Variants in PRKN observed in about 807,000 individuals in gnomAD.
The protein encoded by PRKN is E3 ubiquitin-protein ligase parkin.
Under a neutral mutation model 59.5 loss-of-function variants are expected in PRKN, and 56 were observed. The ratio of observed to expected loss-of-function variants is 0.94; its 90% CI spans 0.76 to 1.18. The LOEUF is 1.18. Ranked by LOEUF, PRKN falls within the 50% of genes most tolerant of loss-of-function variation. PRKN has a pLI of 0.00. For missense variants in PRKN, 657 were observed against 596.4 expected (o/e 1.10, Z -1.06); for synonymous variants, 250 against 222.1 (o/e 1.13, Z -1.12).
chr6:162,456,551 A>G (rs1435286919), intron 1 of PRKN, among the ~76,000 whole-genome samples: 1 of 152,128 alleles, frequency 6.6e-6, no homozygotes, highest in Non-Finnish European at 1.5e-5. Flanking sequence ...ATGATGTGTA[A>G]AGATATTTAA....
chr6:161,439,652 G>C lies in PRKN; in HGVS notation c.1084-52775C>G, dbSNP rs189930016. Among the ~76,000 whole-genome samples the C allele has an allele frequency of 1.2e-3, 180 of 152,244 alleles. 1 individual carries two copies. Among genetic ancestry groups the C allele is most frequent in the Middle Eastern group, 6.8e-3 (2 of 294 alleles). On this transcript the variant is annotated intron_variant, in intron 9 of 11. Coordinates refer to ENST00000366898, the MANE Select transcript of PRKN (RefSeq NM_004562.3). Reference sequence around the variant, plus strand: ...GATTCCATCTACACTGAACTAAACCGGTTTGTGCCAAAGAGCTAGAAGTGT... The same window carrying C: ...GATTCCATCTACACTGAACTAAACCCGTTTGTGCCAAAGAGCTAGAAGTGT...
At position 161,549,591 on chromosome 6, in the gene PRKN, C is replaced by A. The variant is rs568633476; in HGVS notation, c.934-588G>T. ...TATTCTTATTCTTAAAGCATGATTT[C>A]TTGTGTCCCTGATGTCATTTCTTCC... On this transcript the variant is annotated intron_variant, in intron 8 of 11. Transcript: ENST00000366898. This position sits in a 1 kb window ranked among gnomAD's most constrained non-coding sequence, Gnocchi z 6.0. 3.3e-5 allele frequency among the ~76,000 whole-genome samples: 5 copies of A among 152,228 alleles called. No individual in the cohort carries two copies. In the East Asian group the frequency reaches 9.7e-4, roughly 29 times the overall value.
intron 5 of PRKN, among the ~76,000 whole-genome samples, chr6:162,029,262 C>T (rs1319440402): frequency 3.9e-5 from 6 of 152,140 alleles, no homozygotes; most frequent in Admixed American, 3.9e-4. Context: ...AGAAAACTTT[C>T]CAGGTAATTC....
intron 7 of PRKN, among the ~76,000 whole-genome samples, chr6:161,680,775 ATTTTT>A (rs869253616): frequency 3.3e-4 from 10 of 30,640 alleles, no homozygotes; most frequent in African/African-American, 1.0e-3. Context: ...ATATATATAT[ATTTTT>A]TTTTTTTTTT....
At chr6:162,197,651 A>G (rs1010531149) in intron 4 of PRKN, among the ~76,000 whole-genome samples, 6 of 152,152 alleles carry the variant, frequency 3.9e-5, no homozygotes, top group Admixed American at 2.6e-4. Flanking sequence ...TCATTACTTA[A>G]CCTCATGGAG....
rs1284115938 is a variant in PRKN at position 162,467,757 on chromosome 6, T to C, written c.8-24284A>G. 2.0e-5 allele frequency among the ~76,000 whole-genome samples: 3 copies of C among 152,232 alleles called. No individual in the cohort carries two copies. The East Asian group carries it at 5.8e-4, about 29-fold the overall frequency. On this transcript the variant is annotated intron_variant, in intron 1 of 11. Coordinates refer to ENST00000366898, the MANE Select transcript of PRKN (RefSeq NM_004562.3). Reference sequence around the variant, plus strand: ...AAAATCTACACTCCTTACTGCAGCCTACAGGGCTGCACGGCCTGGCTCCCA... The same window carrying C: ...AAAATCTACACTCCTTACTGCAGCCCACAGGGCTGCACGGCCTGGCTCCCA...
chr6:162,551,066 G>A (rs1015039945), intron 1 of PRKN, among the ~76,000 whole-genome samples: 3 of 152,104 alleles, frequency 2.0e-5, no homozygotes, highest in Non-Finnish European at 4.4e-5. Flanking sequence ...CTCTCTTAGT[G>A]ATCTAGTGAT....
In PRKN at chr6:161,361,814, A is replaced by G. The variant is rs1268594917; in HGVS notation, c.1168-1609T>C. Among the ~76,000 whole-genome samples the G allele has an allele frequency of 6.6e-6, 1 of 152,204 alleles. No homozygotes were observed. The highest frequency in any genetic ancestry group is 1.5e-5 in the Non-Finnish European group (1 of 68,030). On this transcript the variant is annotated intron_variant, in intron 10 of 11. Transcript: ENST00000366898. The surrounding 1 kb of genome is among the most constrained non-coding windows in gnomAD (Gnocchi z 5.2). ...AGGTCAATGAGTGCTTCCTTTGCTAAGATCCACTCACGGCAGAGGCCCAGT... is the reference window on the plus strand; with the variant it reads ...AGGTCAATGAGTGCTTCCTTTGCTAGGATCCACTCACGGCAGAGGCCCAGT...
rs1044036943 is a variant in PRKN, at chr6:161,444,394, A to C, written c.1084-57517T>G. Among the ~76,000 whole-genome samples, 2 of 152,214 alleles carry C rather than the reference A, an allele frequency of 1.3e-5. No individual in the cohort carries two copies. Among genetic ancestry groups the C allele is most frequent in the African/African-American group, 4.8e-5 (2 of 41,460 alleles). ...GCATCCCCACCACCTTCCTCCAGGA[A>C]TGTGTATGTCTGTGTGAAGTCCTCA... On this transcript the variant is annotated intron_variant, in intron 9 of 11. Transcript: ENST00000366898. The surrounding 1 kb of genome is among the most constrained non-coding windows in gnomAD (Gnocchi z 5.6).
At chr6:162,458,721 A>T (rs552292912) in intron 1 of PRKN, among the ~76,000 whole-genome samples, 1 of 151,710 alleles carries the variant, frequency 6.6e-6, no homozygotes, top group African/African-American at 2.4e-5. Flanking sequence ...TCCATGCAAC[A>T]ATAGGATAAA....
Position 162,727,560 on chromosome 6 carries a change from G to C in PRKN, c.7+102C>G. On this transcript the variant is annotated intron_variant, in intron 1 of 11. Coordinates refer to ENST00000366898, the MANE Select transcript of PRKN (RefSeq NM_004562.3). Reference sequence around the variant, plus strand: ...GCACGGGCACTTTGGCCCCGTCATTGACAGTTGGCACCGGGGGTCCTGGTC... The same window carrying C: ...GCACGGGCACTTTGGCCCCGTCATTCACAGTTGGCACCGGGGGTCCTGGTC... 4.7e-6 allele frequency: 6 copies of C among 1,286,200 alleles called. No individual in the cohort carries two copies. The South Asian group carries it at 7.6e-5, about 16-fold the overall frequency. 79.7% of individuals were successfully genotyped at this position (1,286,200 alleles called of 1,614,324 possible).
rs533998931 is a variant in PRKN at position 161,863,386 on chromosome 6, T to C, written c.735-77478A>G. 1.5e-4 allele frequency among the ~76,000 whole-genome samples: 23 copies of C among 152,176 alleles called. No individual in the cohort carries two copies. In the South Asian group the frequency reaches 4.6e-3, roughly 30 times the overall value. On this transcript the variant is annotated intron_variant, in intron 6 of 11. Transcript: ENST00000366898. ...TGTATACGTTTTTAAATTATCAATC[T>C]GCTCAGGACTGACAAACATGAAAAG...
chr6:161,655,345 C>G (rs375054768), intron 7 of PRKN, among the ~76,000 whole-genome samples: 369 of 114,444 alleles, frequency 3.2e-3, no homozygotes, highest in South Asian at 7.7e-3. Context: ...CAGGCTCTCA[C>G]CGTCATTAGC....
chr6:161,357,039 G>A lies in PRKN; in HGVS notation c.1285+3049C>T, dbSNP rs762906582. ...AGAAAGCAACAGGTCCAGGTTCGCT[G>A]ACCACTTCCTTTTTTTTTTTTTTTT... On this transcript the variant is annotated intron_variant, in intron 11 of 11. Coordinates refer to ENST00000366898, the MANE Select transcript of PRKN (RefSeq NM_004562.3). The surrounding 1 kb of genome is among the most constrained non-coding windows in gnomAD (Gnocchi z 5.5). Among the ~76,000 whole-genome samples, 3 of 147,708 alleles carry A rather than the reference G, an allele frequency of 2.0e-5. No individual in the cohort carries two copies. Among genetic ancestry groups the A allele is most frequent in the Admixed American group, 6.8e-5 (1 of 14,696 alleles).
intron 1 of PRKN, among the ~76,000 whole-genome samples, chr6:162,663,639 G>A (rs924248610): frequency 1.3e-5 from 2 of 152,062 alleles, no homozygotes; most frequent in African/African-American, 4.8e-5. Flanking sequence ...TGTACTTCCA[G>A]GAAAAGAGAC....
At chr6:162,235,260 T>C (rs1011563644) in intron 3 of PRKN, among the ~76,000 whole-genome samples, 6 of 152,196 alleles carry the variant, frequency 3.9e-5, no homozygotes, top group Admixed American at 2.6e-4. Context: ...TTTCCAGTTG[T>C]GTAATAATTA....
intron 5 of PRKN, among the ~76,000 whole-genome samples, chr6:161,978,568 C>G (rs577231334): frequency 6.6e-6 from 1 of 152,338 alleles, no homozygotes; most frequent in South Asian, 2.1e-4. Flanking sequence ...GATTAACTGC[C>G]TCTGAATTCT....
intron 4 of PRKN, among the ~76,000 whole-genome samples, chr6:162,197,200 C>T (rs1211096942): frequency 1.3e-5 from 2 of 152,164 alleles, no homozygotes; most frequent in Admixed American, 6.5e-5. Flanking sequence ...ATTCACACAG[C>T]AATCTTTACA....
chr6:161,844,223 A>G (rs1030626400), intron 6 of PRKN, among the ~76,000 whole-genome samples: 6 of 152,238 alleles, frequency 3.9e-5, no homozygotes, highest in African/African-American at 1.4e-4. Context: ...CTTTCAAAAT[A>G]TATTCCTCGC....
Sources: gnomAD v4.1 joint callset for allele counts (sites outside exome capture counted in the v4.1 genomes callset) on GRCh38, gnomAD v4.1.1 for gene constraint, Gnocchi (gnomAD v3.1) non-coding constraint, MANE v1.5 for transcripts, NCBI Gene and HGNC (gene_info 2026-07-23, HGNC 2026-07-21) for gene names.